HDAC4: variants seen among roughly 807,000 people sequenced by gnomAD.
The protein encoded by HDAC4 is histone deacetylase 4.
In HDAC4, 16 loss-of-function variants were observed where a neutral mutation model predicts 135.1. The observed-to-expected ratio is 0.12, with a 90% CI of 0.08 to 0.18. HDAC4 has a LOEUF of 0.18. Among genes scored for constraint, HDAC4 ranks in the 10% least tolerant of loss-of-function variants. The pLI is 1.00. For synonymous variants in HDAC4, 685 were observed against 653.4 expected (o/e 1.05, Z -0.74); for missense variants, 1,143 against 1,511.8 (o/e 0.76, Z 4.05).
rs200297556 is a variant in HDAC4 at position 239,177,148 on chromosome 2, AAAC to A, written c.340-588_340-586del. Among the ~76,000 whole-genome samples the A allele has an allele frequency of 1.4e-3, 209 of 152,332 alleles. 2 individuals carry two copies. In the East Asian group the frequency reaches 0.04, roughly 29 times the overall value. On this transcript the variant is annotated intron_variant, in intron 4 of 26. Coordinates refer to ENST00000543185, the MANE Select transcript of HDAC4 (RefSeq NM_001378414.1). ...AAAGAGAATACCACCTAACCATAAA[AAAC>A]AACAACCTACGTGTACACAAGAAAA...
In HDAC4 at chr2:239,053,489, C is replaced by T. The variant is rs1188246602; in HGVS notation, c.3201G>A (p.Leu1067=). 1.2e-6 allele frequency: 2 copies of T among 1,613,592 alleles called. No individual in the cohort carries two copies. Residue 1067 remains leucine (L), a synonymous_variant, in exon 26 of 27, where the codon CTG becomes CTA. Coordinates refer to ENST00000543185, the MANE Select transcript of HDAC4 (RefSeq NM_001378414.1). ...TTTCGGCGGGCTTCACGCCCACGGA[C>T]AGCGAGGCCATGGCGGTGACCGTCT... is the stretch of plus-strand genomic sequence containing the variant. ...EAETVTAMAS[L]SVGVKPAEKR...
chr2:239,194,998 C>T (rs1017168444), intron 3 of HDAC4, among the ~76,000 whole-genome samples: 3 of 152,344 alleles, frequency 2.0e-5, no homozygotes, highest in South Asian at 2.1e-4. Flanking sequence ...CCCTGAGGAG[C>T]AGGGAGGCGA....
chr2:239,086,236 T>C (rs1396832429), intron 19 of HDAC4, among the ~76,000 whole-genome samples: 5 of 14,672 alleles, frequency 3.4e-4, no homozygotes, highest in African/African-American at 1.7e-3. Context: ...TCCCTGCACA[T>C]GAAGGAGACT....
At chr2:239,129,522 C>A (rs528405221) in intron 11 of HDAC4, among the ~76,000 whole-genome samples, 1 of 152,280 alleles carries the variant, frequency 6.6e-6, no homozygotes, top group African/African-American at 2.4e-5. Context: ...GGCATCTTAG[C>A]CAGGGTTTTT....
chr2:239,269,093 A>G (rs949409195), intron 2 of HDAC4, among the ~76,000 whole-genome samples: 1 of 152,174 alleles, frequency 6.6e-6, no homozygotes, highest in African/African-American at 2.4e-5. Flanking sequence ...CAGCAGATGG[A>G]AGCCATCCAA....
intron 8 of HDAC4, 35 bp downstream of exon 8, chr2:239,144,548 G>T (rs1365857705): frequency 6.2e-7 from 1 of 1,612,302 alleles, no homozygotes; most frequent in Non-Finnish European, 8.5e-7. Flanking sequence ...GGCAGAGAGG[G>T]CAGCGGGGCG....
chr2:239,163,803 C>T lies in HDAC4; in HGVS notation c.611G>A (p.Gly204Glu). ...GGGTGCTCCCCACACCCACACTTAC[C>T]CGTACCAGTAGCGAGGGTCGCTGGA... Reference protein sequence around the residue: ...CISSDPRYWYGKTQHSSLDQS... With the variant: ...CISSDPRYWYEKTQHSSLDQS... The change falls in exon 6 of 27, where the codon GGG (glycine) becomes GAG (glutamate). Residue 204 changes from glycine (G) to glutamate (E), a missense_variant and splice_region_variant. Around this residue, in one of 9 missense-constraint regions of HDAC4, gnomAD observed 247 missense variants for 310.0 expected, o/e 0.80. Coordinates refer to ENST00000543185, the MANE Select transcript of HDAC4 (RefSeq NM_001378414.1). The T allele has an allele frequency of 6.2e-7, 1 of 1,614,120 alleles. No individual in the cohort carries two copies. The highest frequency in any genetic ancestry group is 8.5e-7 in the Non-Finnish European group (1 of 1,180,026).
At chr2:239,194,452 G>A (rs2045228835) in intron 3 of HDAC4, among the ~76,000 whole-genome samples, 1 of 152,180 alleles carries the variant, frequency 6.6e-6, no homozygotes, top group Admixed American at 6.5e-5. Flanking sequence ...CTCTTCTGAA[G>A]CTTGGGTGAC....
At chr2:239,057,151 A>G (rs905062445) in intron 24 of HDAC4, among the ~76,000 whole-genome samples, 1 of 152,248 alleles carries the variant, frequency 6.6e-6, no homozygotes, top group South Asian at 2.1e-4. Flanking sequence ...AGATGTTCAC[A>G]GTAGAAGACG....
intron 1 of HDAC4, among the ~76,000 whole-genome samples, chr2:239,378,460 C>G (rs746139570): frequency 6.6e-6 from 1 of 152,204 alleles, no homozygotes; most frequent in South Asian, 2.1e-4. Context: ...GGCACCCACA[C>G]TGAACGTGCA....
In HDAC4 at chr2:239,308,675, T is replaced by C. The variant is rs540561259; in HGVS notation, c.22+44003A>G. Among the ~76,000 whole-genome samples, 802 of 151,996 alleles carry C rather than the reference T, an allele frequency of 5.3e-3. 3 individuals are homozygous for C. Among genetic ancestry groups the C allele is most frequent in the South Asian group, 8.7e-3 (42 of 4,814 alleles). ...AGTGTGGTTAACAGGCCTCCGGGTGTCCCCCCCTTCCAGCCCAGTGCAGGG... is the reference window on the plus strand; with the variant it reads ...AGTGTGGTTAACAGGCCTCCGGGTGCCCCCCCCTTCCAGCCCAGTGCAGGG... On this transcript the variant is annotated intron_variant, in intron 2 of 26. Transcript: ENST00000543185. The surrounding 1 kb of genome is among the most constrained non-coding windows in gnomAD (Gnocchi z 4.2).
At chr2:239,354,210 A>G (rs1693343467) in intron 1 of HDAC4, among the ~76,000 whole-genome samples, 1 of 152,120 alleles carries the variant, frequency 6.6e-6, no homozygotes, top group South Asian at 2.1e-4. Flanking sequence ...GGCATTTTCC[A>G]ATGGCATTAA....
intron 2 of HDAC4, among the ~76,000 whole-genome samples, chr2:239,275,730 C>G (rs2050320858): frequency 6.6e-6 from 1 of 152,148 alleles, no homozygotes; most frequent in South Asian, 2.1e-4. Context: ...CCACTCCCCA[C>G]CCCTCAGGCT....
intron 6 of HDAC4, among the ~76,000 whole-genome samples, chr2:239,158,965 C>T (rs1357264239): frequency 1.3e-5 from 2 of 151,962 alleles, no homozygotes; most frequent in Non-Finnish European, 2.9e-5. Context: ...CCGCACATCA[C>T]ACAACTATTC....
chr2:239,191,984 G>A (rs1034283625), intron 3 of HDAC4, among the ~76,000 whole-genome samples: 3 of 152,232 alleles, frequency 2.0e-5, no homozygotes, highest in Non-Finnish European at 2.9e-5. Context: ...CTCTCTGACT[G>A]TTTCTGTTTC....
chr2:239,148,950 C>T (rs906972415), intron 7 of HDAC4, among the ~76,000 whole-genome samples: 7 of 152,192 alleles, frequency 4.6e-5, no homozygotes, highest in Admixed American at 1.3e-4. Flanking sequence ...AAAATTTCTA[C>T]GAGGTGAATG....
chr2:239,205,393 C>G (rs2045984977), intron 3 of HDAC4, among the ~76,000 whole-genome samples: 1 of 152,132 alleles, frequency 6.6e-6, no homozygotes, highest in Non-Finnish European at 1.5e-5. Flanking sequence ...AATGCAGTCA[C>G]AGAAGCCAGG....
chr2:239,345,930 C>G (rs1203088275), intron 2 of HDAC4, among the ~76,000 whole-genome samples: 1 of 139,164 alleles, frequency 7.2e-6, no homozygotes, highest in Non-Finnish European at 1.6e-5. Flanking sequence ...TGCACTCACT[C>G]TAACAAACAC....
At chr2:239,073,720 C>T (rs932383065) in intron 22 of HDAC4, among the ~76,000 whole-genome samples, 1 of 152,268 alleles carries the variant, frequency 6.6e-6, no homozygotes, top group African/African-American at 2.4e-5. Flanking sequence ...ACAGGAAACA[C>T]CGCACTGGCC....
Sources: allele counts gnomAD v4.1 joint callset (sites outside exome capture counted in the v4.1 genomes callset), GRCh38; gene constraint gnomAD v4.1.1; regional missense constraint gnomAD v4.1.1; non-coding constraint Gnocchi (gnomAD v3.1); transcripts MANE v1.5; gene names NCBI Gene and HGNC (gene_info 2026-07-23, HGNC 2026-07-21).